Variants in GPC5 observed in about 807,000 individuals in gnomAD.
GPC5 encodes the protein glypican-5.
Under a neutral mutation model 53.9 loss-of-function variants are expected in GPC5, and 47 were observed. That is an observed-to-expected ratio of 0.87 (90% CI 0.69 to 1.11). The LOEUF (loss-of-function observed/expected upper bound fraction) is 1.11. Ranked by LOEUF, GPC5 falls within the 50% of genes most tolerant of loss-of-function variation. GPC5 has a pLI of 0.00. For missense variants in GPC5, 748 were observed against 713.1 expected, an observed-to-expected ratio of 1.05 and a Z score of -0.56; for synonymous variants, 286 against 263.3, an observed-to-expected ratio of 1.09 and a Z score of -0.84.
At chr13:91,803,254 AT>A (rs2038164452) in intron 5 of GPC5, among the ~76,000 whole-genome samples, 1 of 152,182 alleles carries the variant, frequency 6.6e-6, no homozygotes, top group Admixed American at 6.5e-5. Flanking sequence ...TAAAATGAAA[AT>A]AGTTTAAAAA....
At chr13:92,398,101 C>G (rs994989676) in intron 7 of GPC5, among the ~76,000 whole-genome samples, 2 of 151,908 alleles carry the variant, frequency 1.3e-5, no homozygotes, top group South Asian at 4.2e-4. Flanking sequence ...TACAACGTGG[C>G]CTGATGCAAG....
At chr13:92,264,106 A>G (rs2042784559) in intron 7 of GPC5, among the ~76,000 whole-genome samples, 1 of 152,168 alleles carries the variant, frequency 6.6e-6, no homozygotes, top group African/African-American at 2.4e-5. Flanking sequence ...TTAAAAATAA[A>G]AGAAAATTTT....
At chr13:92,015,306 A>C (rs912291152) in intron 6 of GPC5, among the ~76,000 whole-genome samples, 1 of 152,194 alleles carries the variant, frequency 6.6e-6, no homozygotes, top group Non-Finnish European at 1.5e-5. Flanking sequence ...ACTGAACACC[A>C]GTGATATGGT....
intron 6 of GPC5, among the ~76,000 whole-genome samples, chr13:92,124,482 G>T (rs1307748029): frequency 6.6e-6 from 1 of 152,134 alleles, no homozygotes; most frequent in Non-Finnish European, 1.5e-5. Flanking sequence ...CAGGAACATT[G>T]TTAACAGAAG....
Position 92,041,012 on chromosome 13 carries a change from G to A in GPC5, c.1402-103818G>A, listed in dbSNP as rs186698826. Reference sequence around the variant, plus strand: ...ATTACAGGCATGTGCCACCACACCCGGATAATTTTTTGTATTTTTAGGAGA... The same window carrying A: ...ATTACAGGCATGTGCCACCACACCCAGATAATTTTTTGTATTTTTAGGAGA... On this transcript the variant is annotated intron_variant, in intron 6 of 7. Transcript: ENST00000377067. Among the ~76,000 whole-genome samples the A allele has an allele frequency of 1.5e-3, 233 of 152,128 alleles. 2 individuals carry two copies. Among genetic ancestry groups the A allele is most frequent in the African/African-American group, 5.2e-3 (217 of 41,520 alleles).
At chr13:92,512,210 AT>A (rs552592417) in intron 7 of GPC5, among the ~76,000 whole-genome samples, 4 of 149,112 alleles carry the variant, frequency 2.7e-5, no homozygotes, top group Admixed American at 6.8e-5. Flanking sequence ...GATCCTAGTA[AT>A]TTTTTTTTAT....
chr13:92,753,875 G>T (rs1441022057), intron 7 of GPC5, among the ~76,000 whole-genome samples: 7 of 152,266 alleles, frequency 4.6e-5, no homozygotes, highest in Admixed American at 1.3e-4. Context: ...GAAAGTGACA[G>T]GGAGAATGGA....
rs545960720 is a variant in GPC5 at position 92,857,397 on chromosome 13, C to A, written c.1562-8885C>A. Among the ~76,000 whole-genome samples, 6 of 152,138 alleles carry A rather than the reference C, an allele frequency of 3.9e-5. 1 individual carries two copies. Among genetic ancestry groups the A allele is most frequent in the Non-Finnish European group, 8.8e-5 (6 of 68,018 alleles). On this transcript the variant is annotated intron_variant, in intron 7 of 7. Coordinates refer to ENST00000377067, the MANE Select transcript of GPC5 (RefSeq NM_004466.6). Reference sequence around the variant, plus strand: ...AAAACATAGGAAATACCCTTCTGGACTTCATCCTTGGTAAAAAATTTATGA... The same window carrying A: ...AAAACATAGGAAATACCCTTCTGGAATTCATCCTTGGTAAAAAATTTATGA...
intron 6 of GPC5, among the ~76,000 whole-genome samples, chr13:91,928,802 C>T (rs568986858): frequency 1.3e-5 from 2 of 152,132 alleles, no homozygotes; most frequent in East Asian, 3.9e-4. Context: ...AAATAGTAAA[C>T]CTAAGGTAGA....
intron 2 of GPC5, among the ~76,000 whole-genome samples, chr13:91,501,516 A>G (rs1594175143): frequency 6.6e-6 from 1 of 151,984 alleles, no homozygotes; most frequent in East Asian, 1.9e-4. Context: ...TGTCCTTGCA[A>G]TAGTTTGCTA....
At chr13:92,493,968 C>T (rs1468404615) in intron 7 of GPC5, among the ~76,000 whole-genome samples, 1 of 152,092 alleles carries the variant, frequency 6.6e-6, no homozygotes, top group Non-Finnish European at 1.5e-5. Flanking sequence ...TTAGAAAATA[C>T]AAAAATATAA....
At chr13:92,152,436 C>A (rs1285887794) in intron 7 of GPC5, among the ~76,000 whole-genome samples, 1 of 152,006 alleles carries the variant, frequency 6.6e-6, no homozygotes, top group Non-Finnish European at 1.5e-5. Flanking sequence ...GAGTGTCTAC[C>A]CAACTCACAC....
At chr13:92,024,035 G>A (rs1188712191) in intron 6 of GPC5, among the ~76,000 whole-genome samples, 2 of 152,100 alleles carry the variant, frequency 1.3e-5, no homozygotes, top group African/African-American at 2.4e-5. Context: ...GATTTACACA[G>A]GATTATATGT....
At chr13:92,783,168 C>T (rs548889905) in intron 7 of GPC5, among the ~76,000 whole-genome samples, 8 of 152,294 alleles carry the variant, frequency 5.3e-5, no homozygotes, top group African/African-American at 1.9e-4. Context: ...TATTTTCCAA[C>T]TGGTAAACCA....
At chr13:91,711,349 A>G (rs1025646049) in intron 3 of GPC5, among the ~76,000 whole-genome samples, 96 of 152,210 alleles carry the variant, frequency 6.3e-4, no homozygotes, top group Admixed American at 7.2e-4. Flanking sequence ...GCAAACTATC[A>G]CAAGGACAGA....
At chr13:91,811,022 G>A (rs1275259897) in intron 5 of GPC5, among the ~76,000 whole-genome samples, 5 of 151,114 alleles carry the variant, frequency 3.3e-5, no homozygotes, top group Non-Finnish European at 5.9e-5. Flanking sequence ...CAAATGAAAG[G>A]AAAATATTGA....
chr13:92,402,370 G>T (rs987816651), intron 7 of GPC5, among the ~76,000 whole-genome samples: 3 of 152,046 alleles, frequency 2.0e-5, no homozygotes, highest in Non-Finnish European at 4.4e-5. Flanking sequence ...TTTCCACAAA[G>T]CAATCAATAT....
At chr13:92,133,303 G>A (rs982241314) in intron 6 of GPC5, among the ~76,000 whole-genome samples, 8 of 152,168 alleles carry the variant, frequency 5.3e-5, no homozygotes, top group Admixed American at 3.9e-4. Context: ...GTGAAGCTAT[G>A]ATGCTGTGCC....
At chr13:91,908,137 G>C in intron 6 of GPC5, 80 bp downstream of exon 6, 1 of 1,138,032 alleles carries the variant, frequency 8.8e-7, no homozygotes, top group Non-Finnish European at 1.2e-6. Flanking sequence ...TGATAAATTT[G>C]TTAATCCTGT....
Sources: gnomAD v4.1 joint callset for allele counts (sites outside exome capture counted in the v4.1 genomes callset) on GRCh38, gnomAD v4.1.1 for gene constraint, MANE v1.5 for transcripts, NCBI Gene and HGNC (gene_info 2026-07-23, HGNC 2026-07-21) for gene names.